Variants in RGS9 observed in about 807,000 individuals in gnomAD.
RGS9 encodes regulator of G-protein signalling 9.
RGS9 carries 78 observed loss-of-function variants against 102.0 expected under a neutral mutation model. The observed-to-expected ratio is 0.76, with a 90% CI of 0.64 to 0.92. RGS9 has a LOEUF of 0.92. Ranked by LOEUF, RGS9 falls within the 40% of genes least tolerant of loss-of-function variation. The pLI is 0.00. For missense variants in RGS9, 833 were observed against 866.1 expected (o/e 0.96, Z 0.48); for synonymous variants, 353 against 318.6 (o/e 1.11, Z -1.15).
chr17:65,177,512 C>G lies in RGS9; in HGVS notation c.583-220C>G, dbSNP rs572789042. Among the ~76,000 whole-genome samples the G allele has an allele frequency of 2.6e-5, 4 of 152,336 alleles. No homozygotes were observed. The South Asian group carries it at 8.3e-4, about 32-fold the overall frequency. On this transcript the variant is annotated intron_variant, in intron 8 of 18. Coordinates refer to ENST00000262406, the MANE Select transcript of RGS9 (RefSeq NM_003835.4). ...TCCTTCTCTCCCTCCATCCTTCCAT[C>G]TCACTATGTTAGGTGCTGGGGATAC...
chr17:65,227,661 C>A lies in RGS9; in HGVS notation c.*254C>A. On this transcript the variant is annotated 3_prime_UTR_variant, in exon 19 of 19. Coordinates refer to ENST00000262406, the MANE Select transcript of RGS9 (RefSeq NM_003835.4). Reference sequence around the variant, plus strand: ...CATGTGGACCAGAAGACTTTCCCTGCTGCCTTAAAACCAATAAAAGGTTAA... The same window carrying A: ...CATGTGGACCAGAAGACTTTCCCTGATGCCTTAAAACCAATAAAAGGTTAA... 1.8e-6 allele frequency: 1 copy of A among 543,446 alleles called. No individual in the cohort carries two copies. The highest frequency in any genetic ancestry group is 3.3e-6 in the Non-Finnish European group (1 of 301,368). The allele number at this position is 543,446 out of a possible 1,614,324, so 33.7% of individuals were successfully genotyped here.
chr17:65,153,341 C>G, intron 1 of RGS9, 81 bp from the exon 2 acceptor site: 3 of 1,189,822 alleles, frequency 2.5e-6, no homozygotes, highest in Non-Finnish European at 3.8e-6. Context: ...TTTTGAGGTC[C>G]CTCTCAGTGC....
At chr17:65,226,002 C>T (rs1415338425) in intron 18 of RGS9, among the ~76,000 whole-genome samples, 4 of 152,158 alleles carry the variant, frequency 2.6e-5, no homozygotes, top group African/African-American at 9.7e-5. Flanking sequence ...TTTCAGGGAG[C>T]CTTGTTCTGG....
rs1324550200 is a variant in RGS9 at position 65,227,701 on chromosome 17, G to A, written c.*294G>A. 8.9e-6 allele frequency: 4 copies of A among 447,266 alleles called. No individual in the cohort carries two copies. The Admixed American group carries it at 1.0e-4, about 11-fold the overall frequency. The allele number at this position is 447,266 out of a possible 1,614,324, so 27.7% of individuals were successfully genotyped here. A position where few individuals can be genotyped will look rare whatever the true frequency, so the allele number is the denominator to read the frequency against. ...TAAAAGGTTAACTTTAAGTTTCTTG[G>A]AATGTTAGTGTGTGTCTGGTTTTGT... On this transcript the variant is annotated 3_prime_UTR_variant, in exon 19 of 19. Transcript: ENST00000262406.
intron 9 of RGS9, among the ~76,000 whole-genome samples, chr17:65,185,802 A>G (rs998326061): frequency 6.6e-6 from 1 of 152,236 alleles, no homozygotes; most frequent in Non-Finnish European, 1.5e-5. Context: ...GACTGAGATA[A>G]TGGCCCTAGA....
chr17:65,212,568 C>T (rs927456844), intron 17 of RGS9, among the ~76,000 whole-genome samples: 3 of 152,140 alleles, frequency 2.0e-5, no homozygotes, highest in African/African-American at 7.2e-5. Context: ...TGAGTGAAGC[C>T]TGCTGGGTGA....
chr17:65,178,439 G>T (rs1426015275), intron 9 of RGS9, among the ~76,000 whole-genome samples: 1 of 151,918 alleles, frequency 6.6e-6, no homozygotes, highest in Admixed American at 6.6e-5. Context: ...TTGAGCCCAT[G>T]GCCCTATTGA....
intron 9 of RGS9, among the ~76,000 whole-genome samples, chr17:65,183,610 T>A (rs1385912231): frequency 6.6e-6 from 1 of 152,196 alleles, no homozygotes; most frequent in Non-Finnish European, 1.5e-5. Flanking sequence ...TCTCTTTTCT[T>A]GCCTGCTTAA....
chr17:65,201,960 G>T, intron 13 of RGS9, 33 bp from the exon 14 acceptor site: 1 of 1,418,460 alleles, frequency 7.0e-7, no homozygotes, highest in South Asian at 1.1e-5. Context: ...TTTCCTGCCC[G>T]GCCCTCATCC....
At chr17:65,180,481 G>A (rs1040144248) in intron 9 of RGS9, among the ~76,000 whole-genome samples, 23 of 151,958 alleles carry the variant, frequency 1.5e-4, no homozygotes, top group African/African-American at 3.4e-4. Context: ...CAGAGTAGCC[G>A]CGATTACAGG....
intron 15 of RGS9, among the ~76,000 whole-genome samples, chr17:65,206,716 T>C (rs528685430): frequency 1.3e-3 from 196 of 152,286 alleles, no homozygotes; most frequent in Middle Eastern, 3.4e-3. Context: ...ACCTGTAGTT[T>C]TCATACGGCT....
intron 17 of RGS9, among the ~76,000 whole-genome samples, chr17:65,220,561 C>G (rs1913670695): frequency 6.6e-6 from 1 of 151,716 alleles, no homozygotes. Context: ...TAACTTTGCA[C>G]ATTTGCTTGG....
intron 9 of RGS9, among the ~76,000 whole-genome samples, chr17:65,183,989 G>A (rs2144050025): frequency 6.6e-6 from 1 of 152,326 alleles, no homozygotes; most frequent in African/African-American, 2.4e-5. Flanking sequence ...AGAATGCAGA[G>A]CATCCGGAGA....
At position 65,202,729 on chromosome 17, in the gene RGS9, G is replaced by T. The variant is rs376819787; in HGVS notation, c.1064+649G>T. On this transcript the variant is annotated intron_variant, in intron 14 of 18. Transcript: ENST00000262406. ...AAAGCCAAGAGTTCCAGGTTAAAAGGGTCAGTCCTGTTTTCAATGGCCAGG... is the reference window on the plus strand; with the variant it reads ...AAAGCCAAGAGTTCCAGGTTAAAAGTGTCAGTCCTGTTTTCAATGGCCAGG... Among the ~76,000 whole-genome samples the T allele has an allele frequency of 5.9e-5, 9 of 152,096 alleles. 1 individual carries two copies. Among genetic ancestry groups the T allele is most frequent in the South Asian group, 4.1e-4 (2 of 4,832 alleles).
intron 1 of RGS9, among the ~76,000 whole-genome samples, chr17:65,149,847 G>A (rs1212324617): frequency 6.6e-6 from 1 of 152,202 alleles, no homozygotes; most frequent in Non-Finnish European, 1.5e-5. Context: ...ATTCAGAGAG[G>A]TTAAGTGAGT....
intron 2 of RGS9, among the ~76,000 whole-genome samples, chr17:65,156,211 T>C (rs1910761370): frequency 6.6e-6 from 1 of 152,104 alleles, no homozygotes; most frequent in African/African-American, 2.4e-5. Context: ...TTAGTAGAGA[T>C]GAGATTTCAC....
At chr17:65,150,334 C>G (rs1461020064) in intron 1 of RGS9, among the ~76,000 whole-genome samples, 1 of 152,042 alleles carries the variant, frequency 6.6e-6, no homozygotes, top group East Asian at 1.9e-4. Flanking sequence ...AAAATTCAAC[C>G]TAGGAGGCTG....
chr17:65,177,624 G>T, intron 8 of RGS9, 108 bp from the exon 9 acceptor site: 1 of 1,104,480 alleles, frequency 9.1e-7, no homozygotes, highest in Non-Finnish European at 1.4e-6. Flanking sequence ...TAGGCCACAA[G>T]CTCTTCTCAG....
chr17:65,217,586 A>G (rs1184583058), intron 17 of RGS9, among the ~76,000 whole-genome samples: 1 of 152,232 alleles, frequency 6.6e-6, no homozygotes, highest in African/African-American at 2.4e-5. Flanking sequence ...CTGTGTGTGT[A>G]GATTACCATT....
Sources: gnomAD v4.1 joint callset for allele counts (sites outside exome capture counted in the v4.1 genomes callset) on GRCh38, gnomAD v4.1.1 for gene constraint, MANE v1.5 for transcripts, NCBI Gene and HGNC (gene_info 2026-07-23, HGNC 2026-07-21) for gene names.